POFUT2: variants seen among roughly 807,000 people sequenced by gnomAD.
POFUT2 encodes the protein protein O-fucosyltransferase 2.
Under a neutral mutation model 55.0 loss-of-function variants are expected in POFUT2, and 30 were observed. The observed-to-expected ratio is 0.55, with a 90% confidence interval of 0.41 to 0.74. The LOEUF is 0.74. POFUT2 is among the 30% of genes least tolerant of loss of function. POFUT2 has a pLI of 0.00. For missense variants in POFUT2, 524 were observed against 562.6 expected, an observed-to-expected ratio of 0.93 and a Z score of 0.69; for synonymous variants, 267 against 231.1, an observed-to-expected ratio of 1.16 and a Z score of -1.41.
chr21:45,281,219 C>A lies in POFUT2; in HGVS notation c.638+1130G>T, dbSNP rs2030600652. Among the ~76,000 whole-genome samples the A allele has an allele frequency of 6.6e-6, 1 of 152,192 alleles. No individual in the cohort carries two copies. The highest frequency in any genetic ancestry group is 2.4e-5 in the African/African-American group (1 of 41,426). On this transcript the variant is annotated intron_variant, in intron 4 of 8. Coordinates refer to ENST00000349485, the MANE Select transcript of POFUT2 (RefSeq NM_133635.6). The surrounding 1 kb of genome is among the most constrained non-coding windows in gnomAD (Gnocchi z 5.0). ...TCAGGACCATCTAGTTGGAAGCCCCCTCTGGGCTCAGCTCCATTCTAACCT... is the reference window on the plus strand; with the variant it reads ...TCAGGACCATCTAGTTGGAAGCCCCATCTGGGCTCAGCTCCATTCTAACCT...
intron 2 of POFUT2, 38 bp from the exon 3 acceptor site, chr21:45,283,565 G>A (rs766150249): frequency 3.3e-5 from 53 of 1,608,720 alleles, no homozygotes; most frequent in Middle Eastern, 1.6e-4. Context: ...GTGTGACAGC[G>A]ATCAGAAGCT....
intron 6 of POFUT2, among the ~76,000 whole-genome samples, chr21:45,274,920 C>A (rs138136560): frequency 1.3e-5 from 2 of 152,250 alleles, no homozygotes; most frequent in East Asian, 1.9e-4. Flanking sequence ...GCAACAAAAA[C>A]AAACATTAAT....
rs1157435685 is a variant in POFUT2, at chr21:45,277,822, CACTGACTCCGGG to C, written c.705+269_705+280del. The stretch of plus-strand genomic sequence containing the variant: ...TCTACGTTCCAGCCACTGACGGAGT[CACTGACTCCGGG>C]GCTGACTCCAGGGCGCTGCCACCGC... On this transcript the variant is annotated intron_variant, in intron 5 of 8. Coordinates refer to ENST00000349485, the MANE Select transcript of POFUT2 (RefSeq NM_133635.6). The surrounding 1 kb of genome is among the most constrained non-coding windows in gnomAD (Gnocchi z 6.9). The C allele has an allele frequency of 3.9e-6, 2 of 506,658 alleles. No individual in the cohort carries two copies. Among genetic ancestry groups the C allele is most frequent in the Non-Finnish European group, 7.1e-6 (2 of 283,298 alleles). 31.4% of individuals were successfully genotyped at this position (506,658 alleles called of 1,614,324 possible).
At chr21:45,283,079 C>T (rs1467436166) in intron 3 of POFUT2, 2 of 384,118 alleles carry the variant, frequency 5.2e-6, no homozygotes, top group East Asian at 6.9e-5. Flanking sequence ...TGGGCAGCCA[C>T]AAGCGCTACC....
chr21:45,268,277 A>G (rs895410508), intron 7 of POFUT2, among the ~76,000 whole-genome samples: 2 of 152,124 alleles, frequency 1.3e-5, no homozygotes, highest in African/African-American at 4.8e-5. Context: ...AGTCTCGTTC[A>G]CTCAGTGCTC....
At position 45,277,006 on chromosome 21, in the gene POFUT2, A is replaced by G. The variant is rs761564864; in HGVS notation, c.831+11T>C. The G allele has an allele frequency of 3.1e-6, 5 of 1,613,588 alleles. No homozygotes were observed. The highest frequency in any genetic ancestry group is 4.2e-6 in the Non-Finnish European group (5 of 1,179,652). On this transcript the variant is annotated intron_variant, in intron 6 of 8. Transcript: ENST00000349485. This position sits in a 1 kb window ranked among gnomAD's most constrained non-coding sequence, Gnocchi z 6.9. ...ACCTTTTCTCTAATTAACAAAAGGG[A>G]GGGGGGCTACCTTCATCTTCATCCA...
At position 45,285,706 on chromosome 21, in the gene POFUT2, G is replaced by A. The variant is rs2297285; in HGVS notation, c.354C>T (p.Pro118=). Residue 118 remains proline (P), a synonymous_variant, in exon 2 of 9, where the codon CCC becomes CCT. Transcript: ENST00000349485. The surrounding 1 kb of genome is among the most constrained non-coding windows in gnomAD (Gnocchi z 4.9). ...FDLPSLNKNI[P]VIEYEQFIAE... is the part of the protein sequence containing the mutation. ...CGATGAACTGCTCATACTCGATGAC[G>A]GGGATGTTTTTATTGAGACTTGGAA... 0.24 allele frequency: 380,675 copies of A among 1,613,428 alleles called. 47,140 individuals are homozygous for A. The highest frequency in any genetic ancestry group is 0.31 in the South Asian group (28,616 of 91,052).
In POFUT2 at chr21:45,285,498, A is replaced by T; in HGVS notation, c.382+180T>A. On this transcript the variant is annotated intron_variant, in intron 2 of 8. Transcript: ENST00000349485. The surrounding 1 kb of genome is among the most constrained non-coding windows in gnomAD (Gnocchi z 4.9). ...TTGGGAAGCTCACTGCAGCGTGGGA[A>T]AGGGACTGTGCTCCTGAACGGAGGA... 1 of 729,182 alleles carries T rather than the reference A, an allele frequency of 1.4e-6. No homozygotes were observed. The allele number at this position is 729,182 out of a possible 1,614,324, so 45.2% of individuals were successfully genotyped here. A position where few individuals can be genotyped will look rare whatever the true frequency, so the allele number is the denominator to read the frequency against.
In POFUT2 at chr21:45,267,259, C is replaced by T. The variant is rs1427118164; in HGVS notation, c.1136+331G>A. 14 of 1,436,244 alleles carry T rather than the reference C, an allele frequency of 9.7e-6. No individual in the cohort carries two copies. Among genetic ancestry groups the T allele is most frequent in the Non-Finnish European group, 1.3e-5 (14 of 1,101,542 alleles). The allele number at this position is 1,436,244 out of a possible 1,614,324, so 89.0% of individuals were successfully genotyped here. A position where few individuals can be genotyped will look rare whatever the true frequency, so the allele number is the denominator to read the frequency against. Reference sequence around the variant, plus strand: ...ATGCCCAAGTCCAGGGCACGGGCAACTCTCAGGGCAGGGGGCAGACAGGGG... The same window carrying T: ...ATGCCCAAGTCCAGGGCACGGGCAATTCTCAGGGCAGGGGGCAGACAGGGG... On this transcript the variant is annotated intron_variant, in intron 8 of 8. Transcript: ENST00000349485. This position sits in a 1 kb window ranked among gnomAD's most constrained non-coding sequence, Gnocchi z 4.4.
rs2031188146 is a variant in POFUT2, at chr21:45,284,769, AC to A, written c.382+908del. Among the ~76,000 whole-genome samples the A allele has an allele frequency of 6.6e-6, 1 of 152,106 alleles. No homozygotes were observed. Among genetic ancestry groups the A allele is most frequent in the Non-Finnish European group, 1.5e-5 (1 of 68,014 alleles). On this transcript the variant is annotated intron_variant, in intron 2 of 8. Transcript: ENST00000349485. The surrounding 1 kb of genome is among the most constrained non-coding windows in gnomAD (Gnocchi z 5.8). The stretch of plus-strand genomic sequence containing the variant: ...CCAACCACAGCTTTCATCTTCCAGG[AC>A]TCACAAGCAAATTTTAAAGTCAACT...
At position 45,282,301 on chromosome 21, in the gene POFUT2, C is replaced by G. The variant is rs761006910; in HGVS notation, c.638+48G>C. On this transcript the variant is annotated intron_variant, in intron 4 of 8. Coordinates refer to ENST00000349485, the MANE Select transcript of POFUT2 (RefSeq NM_133635.6). The surrounding 1 kb of genome is among the most constrained non-coding windows in gnomAD (Gnocchi z 4.6). ...AGCCCCCAGCCCAGCATGCACGGAG[C>G]AGACGCCACAGCCTCCAGGCTGCTC... 1 of 1,203,188 alleles carries G rather than the reference C, an allele frequency of 8.3e-7. No homozygotes were observed. The highest frequency in any genetic ancestry group is 1.2e-6 in the Non-Finnish European group (1 of 809,928). The allele number at this position is 1,203,188 out of a possible 1,614,324, so 74.5% of individuals were successfully genotyped here.
At position 45,285,670 on chromosome 21, in the gene POFUT2, G is replaced by C; in HGVS notation, c.382+8C>G. On this transcript the variant is annotated splice_region_variant and intron_variant, in intron 2 of 8. Coordinates refer to ENST00000349485, the MANE Select transcript of POFUT2 (RefSeq NM_133635.6). The surrounding 1 kb of genome is among the most constrained non-coding windows in gnomAD (Gnocchi z 4.9). ...ACCACGGCCTCCCAGCGTGCCGCTC[G>C]GCCTCACCTGCGATGAACTGCTCAT... 6.2e-7 allele frequency: 1 copy of C among 1,613,482 alleles called. No homozygotes were observed. The highest frequency in any genetic ancestry group is 2.2e-5 in the East Asian group (1 of 44,884).
At chr21:45,287,238 T>G (rs1293196048) in intron 1 of POFUT2, among the ~76,000 whole-genome samples, 1 of 96,852 alleles carries the variant, frequency 1.0e-5, no homozygotes, top group Admixed American at 1.1e-4. Context: ...CCCCGTCCCA[T>G]CCTTCTTGGC....
Position 45,267,626 on chromosome 21 carries a change from A to G in POFUT2, c.1100T>C (p.Val367Ala), listed in dbSNP as rs556283266. Residue 367 changes from valine to alanine, a missense_variant, in exon 8 of 9, where the codon GTT becomes GCT. By Grantham distance (64) the Val-to-Ala change is moderately conservative (BLOSUM62 0). Around this residue, in one of 2 missense-constraint regions of POFUT2, gnomAD observed 250 missense variants for 318.2 expected, o/e 0.79. Coordinates refer to ENST00000349485, the MANE Select transcript of POFUT2 (RefSeq NM_133635.6). This position sits in a 1 kb window ranked among gnomAD's most constrained non-coding sequence, Gnocchi z 4.4. ...EELELYKDGG[V>A]AIIDQWICAH... The stretch of plus-strand genomic sequence containing the variant: ...GCAGATCCACTGGTCAATAATCGCA[A>G]CGCCTCCGTCCTTGTAGAGCTCCAG... 1 of 1,614,190 alleles carries G rather than the reference A, an allele frequency of 6.2e-7. No individual in the cohort carries two copies. The highest frequency in any genetic ancestry group is 1.1e-5 in the South Asian group (1 of 91,078).
chr21:45,280,664 C>A (rs1404819235), intron 4 of POFUT2, among the ~76,000 whole-genome samples: 1 of 147,902 alleles, frequency 6.8e-6, no homozygotes, highest in African/African-American at 2.4e-5. Context: ...ACTCACCTCA[C>A]CCCAGGCTGC....
intron 8 of POFUT2, chr21:45,266,251 A>G (rs1330023513): frequency 2.2e-6 from 3 of 1,367,574 alleles, no homozygotes; most frequent in Admixed American, 1.9e-5. Flanking sequence ...CAAACCCCAG[A>G]GATGTTTCCA....
In POFUT2 at chr21:45,277,398, A is replaced by G; in HGVS notation, c.706-256T>C. On this transcript the variant is annotated intron_variant, in intron 5 of 8. Transcript: ENST00000349485. The surrounding 1 kb of genome is among the most constrained non-coding windows in gnomAD (Gnocchi z 6.9). ...CCCCTGCCGTGGGAAGCTGCGGCAC[A>G]CACTGGGCTCAGCTGGCCGTTGCCC... 2.0e-6 allele frequency: 1 copy of G among 490,780 alleles called. No individual in the cohort carries two copies. Among genetic ancestry groups the G allele is most frequent in the Non-Finnish European group, 3.7e-6 (1 of 269,018 alleles). 30.4% of individuals were successfully genotyped at this position (490,780 alleles called of 1,614,324 possible).
chr21:45,266,389 C>T (rs2093154854), intron 8 of POFUT2: 1 of 1,212,418 alleles, frequency 8.2e-7, no homozygotes, highest in Non-Finnish European at 1.1e-6. Context: ...AGGGGCCTGC[C>T]AGAGCAGGCC....
At position 45,277,921 on chromosome 21, in the gene POFUT2, G is replaced by T. The variant is rs2029999636; in HGVS notation, c.705+182C>A. ...GGCCCTGCGGGCTCCCGAGGACCTG[G>T]CTCTGCAGCCACGTGAGGCTTGGGG... On this transcript the variant is annotated intron_variant, in intron 5 of 8. Transcript: ENST00000349485. The surrounding 1 kb of genome is among the most constrained non-coding windows in gnomAD (Gnocchi z 6.9). 1.5e-6 allele frequency: 1 copy of T among 662,320 alleles called. No homozygotes were observed. Among genetic ancestry groups the T allele is most frequent in the Non-Finnish European group, 2.7e-6 (1 of 371,918 alleles). The allele number at this position is 662,320 out of a possible 1,614,324, so 41.0% of individuals were successfully genotyped here.
Sources: allele counts gnomAD v4.1 joint callset (sites outside exome capture counted in the v4.1 genomes callset), GRCh38; gene constraint gnomAD v4.1.1; regional missense constraint gnomAD v4.1.1; non-coding constraint Gnocchi (gnomAD v3.1); transcripts MANE v1.5; gene names NCBI Gene and HGNC (gene_info 2026-07-23, HGNC 2026-07-21).